The following TMPRSS11D variants were observed in gnomAD, a reference collection of about 807,000 sequenced individuals.
TMPRSS11D encodes transmembrane protease serine 11D.
TMPRSS11D carries 32 observed loss-of-function variants against 44.4 expected under a neutral mutation model. The observed-to-expected ratio is 0.72, with a 90% CI of 0.54 to 0.97. The LOEUF (loss-of-function observed/expected upper bound fraction) is 0.97, where lower values mean the gene tolerates loss of function less well. Ranked by LOEUF, TMPRSS11D falls within the 50% of genes least tolerant of loss-of-function variation. The probability of loss-of-function intolerance (pLI) is 0.00; values close to 1 mark genes in which losing one functional copy is unlikely to be tolerated. For missense variants in TMPRSS11D, 446 were observed against 502.6 expected, an observed-to-expected ratio of 0.89 and a Z score of 1.08; for synonymous variants, 179 against 177.9, an observed-to-expected ratio of 1.01 and a Z score of -0.05.
At chr4:67,835,153 C>T (rs777503526) in intron 5 of TMPRSS11D, 32 bp from the exon 6 acceptor site, 1 of 1,573,428 alleles carries the variant, frequency 6.4e-7, no homozygotes, top group South Asian at 1.1e-5. Flanking sequence ...AAGATAAATA[C>T]AATAAAGGCT....
chr4:67,866,759 C>T lies in TMPRSS11D; in HGVS notation c.9-7081G>A, dbSNP rs564374673. On this transcript the variant is annotated intron_variant, in intron 1 of 9. Transcript: ENST00000283916. ...TAATAGATTAAAAAATAAAATATAT[C>T]GGAATATATTTAACCAAGGAAGTAA... Among the ~76,000 whole-genome samples the T allele has an allele frequency of 7.3e-5, 11 of 151,242 alleles. No individual in the cohort carries two copies. The South Asian group carries it at 2.1e-3, about 29-fold the overall frequency.
intron 8 of TMPRSS11D, among the ~76,000 whole-genome samples, chr4:67,826,298 C>G (rs1455576636): frequency 1.3e-5 from 2 of 152,024 alleles, no homozygotes; most frequent in Non-Finnish European, 2.9e-5. Context: ...CAGAATGACA[C>G]CAATAGTTTT....
In TMPRSS11D at chr4:67,825,756, A is replaced by C; in HGVS notation, c.1071T>G (p.Pro357=). 1 of 1,612,992 alleles carries C rather than the reference A, an allele frequency of 6.2e-7. No individual in the cohort carries two copies. The highest frequency in any genetic ancestry group is 8.5e-7 in the Non-Finnish European group (1 of 1,179,392). The change falls in exon 9 of 10, where the codon CCT becomes CCG. Residue 357 remains proline, a synonymous_variant. Transcript: ENST00000283916. Reference sequence around the variant, plus strand: ...CCTGACATGCGTCCACTCCACCTTGAGGTACTCCAGCACACAGCATTCCAG... The same window carrying C: ...CCTGACATGCGTCCACTCCACCTTGCGGTACTCCAGCACACAGCATTCCAG... ...ILSGMLCAGV[P]QGGVDACQGD...
intron 3 of TMPRSS11D, among the ~76,000 whole-genome samples, chr4:67,853,635 T>C (rs950134873): frequency 9.9e-5 from 15 of 152,210 alleles, no homozygotes; most frequent in African/African-American, 2.4e-4. Context: ...TCTATGTCTA[T>C]CATTGAACCA....
chr4:67,833,449 G>A, intron 6 of TMPRSS11D, 68 bp from the exon 7 acceptor site: 1 of 1,318,088 alleles, frequency 7.6e-7, no homozygotes, highest in South Asian at 2.3e-5. Flanking sequence ...AAGCTGAAGA[G>A]TCTTTCCATA....
At chr4:67,871,194 G>A (rs1351303288) in intron 1 of TMPRSS11D, among the ~76,000 whole-genome samples, 1 of 152,150 alleles carries the variant, frequency 6.6e-6, no homozygotes, top group African/African-American at 2.4e-5. Flanking sequence ...AAGCTAATTT[G>A]TAGCCTTTTC....
chr4:67,875,866 T>G lies in TMPRSS11D; in HGVS notation c.8+8060A>C, dbSNP rs193024842. Among the ~76,000 whole-genome samples the G allele has an allele frequency of 3.2e-3, 494 of 152,322 alleles. 3 individuals carry two copies. The highest frequency in any genetic ancestry group is 0.017 in the Middle Eastern group (5 of 294). Reference sequence around the variant, plus strand: ...GAAAGCAAGCACTGACTGATTTGTTTTCTGCTGTATCTCCCAAAGTATTTA... The same window carrying G: ...GAAAGCAAGCACTGACTGATTTGTTGTCTGCTGTATCTCCCAAAGTATTTA... On this transcript the variant is annotated intron_variant, in intron 1 of 9. Coordinates refer to ENST00000283916, the MANE Select transcript of TMPRSS11D (RefSeq NM_004262.3).
intron 7 of TMPRSS11D, among the ~76,000 whole-genome samples, chr4:67,828,040 G>A (rs879398819): frequency 3.0e-3 from 179 of 60,308 alleles, no homozygotes; most frequent in Non-Finnish European, 6.6e-3. Flanking sequence ...ATTTTGGTGT[G>A]TGTGTGTGTG....
At chr4:67,833,143 G>A (rs1300757483) in intron 7 of TMPRSS11D, 61 bp downstream of exon 7, 4 of 1,293,308 alleles carry the variant, frequency 3.1e-6, no homozygotes, top group East Asian at 2.9e-5. Flanking sequence ...GGTAGAGGGT[G>A]CAGTCTTCAT....
intron 1 of TMPRSS11D, among the ~76,000 whole-genome samples, chr4:67,868,854 T>C: frequency 6.6e-6 from 1 of 152,170 alleles, no homozygotes; most frequent in African/African-American, 2.4e-5. Context: ...ACAAATTTAT[T>C]AGTCCAGTAA....
At chr4:67,831,469 G>C (rs748640070) in intron 7 of TMPRSS11D, among the ~76,000 whole-genome samples, 1 of 151,978 alleles carries the variant, frequency 6.6e-6, no homozygotes, top group Non-Finnish European at 1.5e-5. Flanking sequence ...GGATTCCTTT[G>C]GTAATCGTTG....
At chr4:67,849,656 TTTTA>T (rs1240068270) in intron 3 of TMPRSS11D, among the ~76,000 whole-genome samples, 1 of 152,222 alleles carries the variant, frequency 6.6e-6, no homozygotes, top group Non-Finnish European at 1.5e-5. Flanking sequence ...AGTCCAACTA[TTTTA>T]TTTTACTCGT....
chr4:67,838,318 C>G lies in TMPRSS11D; in HGVS notation c.329G>C (p.Ser110Thr). Residue 110 changes from serine (S) to threonine (T), a missense_variant, in exon 5 of 10, where the codon AGT becomes ACT. Coordinates refer to ENST00000283916, the MANE Select transcript of TMPRSS11D (RefSeq NM_004262.3). ...AHVAKLRQDG[S>T]GVRADVVMKF... is the part of the protein sequence containing the mutation. ...CATGACAACATCCGCTCTCACACCA[C>G]TACCATCTTGCCTGTAAATCATAAA... is the stretch of plus-strand genomic sequence containing the variant. 1 of 1,568,250 alleles carries G rather than the reference C, an allele frequency of 6.4e-7. No homozygotes were observed. Among genetic ancestry groups the G allele is most frequent in the Non-Finnish European group, 8.6e-7 (1 of 1,161,932 alleles).
chr4:67,838,373 T>A (rs747443914), intron 4 of TMPRSS11D, 44 bp from the exon 5 acceptor site: 1 of 1,460,766 alleles, frequency 6.8e-7, no homozygotes, highest in Non-Finnish European at 9.1e-7. Flanking sequence ...AATATGACAA[T>A]TTTTCACCAT....
intron 2 of TMPRSS11D, 61 bp downstream of exon 2, chr4:67,859,496 T>A: frequency 4.5e-6 from 7 of 1,559,208 alleles, no homozygotes; most frequent in Non-Finnish European, 6.1e-6. Flanking sequence ...AATGCCAGAC[T>A]TTAAATCTGA....
At chr4:67,857,316 TATATATACACAC>T (rs1206752962) in intron 2 of TMPRSS11D, among the ~76,000 whole-genome samples, 9 of 1,362 alleles carry the variant, frequency 6.6e-3, no homozygotes, top group Admixed American at 0.016. Context: ...TATATATATA[TATATATACACAC>T]ACACACACAC....
intron 4 of TMPRSS11D, among the ~76,000 whole-genome samples, chr4:67,842,312 A>G (rs1175888449): frequency 6.6e-6 from 1 of 152,110 alleles, no homozygotes; most frequent in East Asian, 1.9e-4. Flanking sequence ...CCTTCACCCC[A>G]ACTCTCTCTC....
Position 67,822,267 on chromosome 4 carries a change from A to C in TMPRSS11D, c.*70T>G. 1 of 1,518,788 alleles carries C rather than the reference A, an allele frequency of 6.6e-7. No homozygotes were observed. The allele number at this position is 1,518,788 out of a possible 1,614,324, so 94.1% of individuals were successfully genotyped here. A position where few individuals can be genotyped will look rare whatever the true frequency, so the allele number is the denominator to read the frequency against. On this transcript the variant is annotated 3_prime_UTR_variant, in exon 10 of 10. Transcript: ENST00000283916. The stretch of plus-strand genomic sequence containing the variant: ...ATTTCTAGTTTCTTTTTCAGTTGAA[A>C]TGTAAAGCTTTGGAATTTAAGACAG...
intron 8 of TMPRSS11D, 77 bp downstream of exon 8, chr4:67,827,184 G>A: frequency 5.3e-6 from 8 of 1,512,392 alleles, no homozygotes; most frequent in Non-Finnish European, 5.3e-6. Flanking sequence ...TATTCCAGAT[G>A]TTTCCTAATT....
Sources: allele counts gnomAD v4.1 joint callset (sites outside exome capture counted in the v4.1 genomes callset), GRCh38; gene constraint gnomAD v4.1.1; transcripts MANE v1.5; gene names NCBI Gene and HGNC (gene_info 2026-07-23, HGNC 2026-07-21).